Variants in VAV3 observed in about 807,000 individuals in gnomAD.
VAV3 encodes vav guanine nucleotide exchange factor 3.
VAV3 carries 94 observed loss-of-function variants against 131.2 expected under a neutral mutation model. The ratio of observed to expected loss-of-function variants is 0.72; its 90% CI spans 0.61 to 0.85. The LOEUF (loss-of-function observed/expected upper bound fraction) is 0.85, where lower values mean the gene tolerates loss of function less well. Ranked by LOEUF, VAV3 falls within the 40% of genes least tolerant of loss-of-function variation. The pLI, the probability that VAV3 is intolerant of heterozygous loss-of-function variation, is 0.00. For synonymous variants in VAV3, 349 were observed against 342.0 expected (o/e 1.02, Z -0.22); for missense variants, 939 against 1,002.7 (o/e 0.94, Z 0.86).
chr1:107,831,463 A>G (rs932226922), intron 2 of VAV3, among the ~76,000 whole-genome samples: 1 of 152,196 alleles, frequency 6.6e-6, no homozygotes, highest in Non-Finnish European at 1.5e-5. Flanking sequence ...TCTTCCATAT[A>G]TATTGCAATG....
intron 20 of VAV3, among the ~76,000 whole-genome samples, chr1:107,626,911 T>G (rs1654062129): frequency 6.6e-6 from 1 of 152,246 alleles, no homozygotes; most frequent in Non-Finnish European, 1.5e-5. Flanking sequence ...GACTAACACT[T>G]GAATTTTAGA....
At chr1:107,765,210 A>G in intron 8 of VAV3, 35 bp from the exon 9 acceptor site, 1 of 1,517,950 alleles carries the variant, frequency 6.6e-7, no homozygotes, top group Non-Finnish European at 9.1e-7. Flanking sequence ...TCTCTAAGAC[A>G]AAAACCAAGA....
At chr1:107,894,435 G>A (rs1671471824) in intron 1 of VAV3, among the ~76,000 whole-genome samples, 1 of 152,078 alleles carries the variant, frequency 6.6e-6, no homozygotes, top group Non-Finnish European at 1.5e-5. Context: ...TTCAGTATAA[G>A]TTCTCAGACA....
intron 1 of VAV3, among the ~76,000 whole-genome samples, chr1:107,876,683 A>G (rs900619555): frequency 6.6e-6 from 1 of 152,188 alleles, no homozygotes; most frequent in Non-Finnish European, 1.5e-5. Context: ...ATTTGCTTTC[A>G]GTGTCTAAAA....
intron 19 of VAV3, among the ~76,000 whole-genome samples, chr1:107,681,893 C>A (rs1027833756): frequency 6.6e-6 from 1 of 152,084 alleles, no homozygotes; most frequent in Non-Finnish European, 1.5e-5. Flanking sequence ...ATCTCCTGAC[C>A]TCGTGATCCG....
At chr1:107,583,987 T>G (rs988281772) in intron 25 of VAV3, among the ~76,000 whole-genome samples, 1 of 151,846 alleles carries the variant, frequency 6.6e-6, no homozygotes, top group East Asian at 1.9e-4. Context: ...GGAGGCATCA[T>G]GCTACCTGAC....
intron 19 of VAV3, among the ~76,000 whole-genome samples, chr1:107,675,250 A>G (rs1449658914): frequency 1.3e-5 from 2 of 152,224 alleles, no homozygotes; most frequent in African/African-American, 4.8e-5. Flanking sequence ...AATAACCACC[A>G]CTATCATCAT....
intron 15 of VAV3, among the ~76,000 whole-genome samples, chr1:107,726,008 C>T (rs4503376): frequency 0.7 from 106,185 of 151,982 alleles, 37,439 homozygotes; most frequent in South Asian, 0.79. Flanking sequence ...AAAACTCCTT[C>T]GAATTTAGGT....
chr1:107,683,794 T>A (rs1412898027), intron 18 of VAV3, among the ~76,000 whole-genome samples: 1 of 152,200 alleles, frequency 6.6e-6, no homozygotes, highest in Non-Finnish European at 1.5e-5. Context: ...GGTTGCCAAC[T>A]CCAAATATTG....
intron 2 of VAV3, among the ~76,000 whole-genome samples, chr1:107,813,491 T>C (rs960377824): frequency 2.0e-5 from 3 of 152,240 alleles, no homozygotes; most frequent in African/African-American, 7.2e-5. Flanking sequence ...TATTGATACA[T>C]AGTATTTTTA....
intron 2 of VAV3, among the ~76,000 whole-genome samples, chr1:107,831,307 C>T (rs1276913703): frequency 1.3e-5 from 2 of 152,010 alleles, no homozygotes; most frequent in Non-Finnish European, 2.9e-5. Context: ...TTTGATATTA[C>T]CAACTCAAGG....
At chr1:107,595,466 T>A (rs1005835223) in intron 25 of VAV3, among the ~76,000 whole-genome samples, 1 of 152,158 alleles carries the variant, frequency 6.6e-6, no homozygotes, top group African/African-American at 2.4e-5. Context: ...GAAATTGTAT[T>A]CACTTCTTCC....
chr1:107,652,392 G>A (rs1656239323), intron 19 of VAV3, among the ~76,000 whole-genome samples: 1 of 152,066 alleles, frequency 6.6e-6, no homozygotes, highest in African/African-American at 2.4e-5. Flanking sequence ...CTGGGGCTGC[G>A]CTGTCTATGG....
At chr1:107,720,189 C>T (rs1399275548) in intron 15 of VAV3, among the ~76,000 whole-genome samples, 2 of 151,728 alleles carry the variant, frequency 1.3e-5, no homozygotes, top group Non-Finnish European at 2.9e-5. Flanking sequence ...TGCACATGTA[C>T]CCTAAAACTT....
intron 20 of VAV3, among the ~76,000 whole-genome samples, chr1:107,625,993 CATA>C (rs1653990933): frequency 6.6e-6 from 1 of 152,084 alleles, no homozygotes; most frequent in African/African-American, 2.4e-5. Context: ...AACTTTCTCC[CATA>C]ATGTTACTCC....
At chr1:107,964,293 C>T (rs1485685118) in intron 1 of VAV3, 1 of 193,336 alleles carries the variant, frequency 5.2e-6, no homozygotes, top group Non-Finnish European at 1.1e-5. Context: ...CAAATTACCC[C>T]ATCACCTCGT....
intron 1 of VAV3, among the ~76,000 whole-genome samples, chr1:107,918,705 A>ATATAT (rs1274987055): frequency 2.6e-4 from 20 of 76,996 alleles, no homozygotes; most frequent in East Asian, 1.6e-3. Context: ...ATATATATAT[A>ATATAT]TTTTTTTTTT....
intron 15 of VAV3, among the ~76,000 whole-genome samples, chr1:107,733,432 C>G (rs1361262327): frequency 6.6e-6 from 1 of 152,180 alleles, no homozygotes; most frequent in African/African-American, 2.4e-5. Flanking sequence ...TTGGTAATAA[C>G]AAACTTCTCC....
At chr1:107,683,654 A>ATACTT in intron 18 of VAV3, 121 bp from the exon 19 acceptor site, 1 of 982,024 alleles carries the variant, frequency 1.0e-6, no homozygotes, top group Non-Finnish European at 1.6e-6. Flanking sequence ...AAGTCAAAGT[A>ATACTT]TGACTAAATT....
Sources: gnomAD v4.1 joint callset for allele counts (sites outside exome capture counted in the v4.1 genomes callset) on GRCh38, gnomAD v4.1.1 for gene constraint, MANE v1.5 for transcripts, NCBI Gene and HGNC (gene_info 2026-07-23, HGNC 2026-07-21) for gene names.